Variants in MVB12B observed in about 807,000 individuals in gnomAD.
The protein encoded by MVB12B is multivesicular body subunit 12B.
MVB12B carries 16 observed loss-of-function variants against 41.6 expected under a neutral mutation model. That is an observed-to-expected ratio of 0.38 (90% CI 0.26 to 0.58). MVB12B has a LOEUF of 0.58. Among genes scored for constraint, MVB12B ranks in the 20% least tolerant of loss-of-function variants. The pLI is 0.62. For synonymous variants in MVB12B, 133 were observed against 139.7 expected (o/e 0.95, Z 0.34); for missense variants, 274 against 380.2 (o/e 0.72, Z 2.32).
At chr9:126,331,462 G>T (rs746940397) in intron 1 of MVB12B, among the ~76,000 whole-genome samples, 1 of 152,182 alleles carries the variant, frequency 6.6e-6, no homozygotes, top group Non-Finnish European at 1.5e-5. Context: ...TTAAATTAAG[G>T]AATTTGTTTT....
chr9:126,408,632 T>G (rs773181659), intron 6 of MVB12B, among the ~76,000 whole-genome samples: 26 of 152,034 alleles, frequency 1.7e-4, no homozygotes, highest in Non-Finnish European at 3.4e-4. Flanking sequence ...TTTCGGCTTC[T>G]CGGTGGAGGC....
intron 1 of MVB12B, among the ~76,000 whole-genome samples, chr9:126,339,803 A>G (rs1016559033): frequency 5.9e-5 from 9 of 152,138 alleles, no homozygotes; most frequent in Admixed American, 1.3e-4. Flanking sequence ...ACTGTATACC[A>G]GGGACCTCTC....
At chr9:126,477,489 TCACAGTTC>T (rs1833444860) in intron 7 of MVB12B, among the ~76,000 whole-genome samples, 1 of 152,218 alleles carries the variant, frequency 6.6e-6, no homozygotes, top group Admixed American at 6.5e-5. Flanking sequence ...TTTAATGGAC[TCACAGTTC>T]CACATGGCTG....
At chr9:126,456,970 G>A (rs540049771) in intron 7 of MVB12B, among the ~76,000 whole-genome samples, 40 of 152,304 alleles carry the variant, frequency 2.6e-4, no homozygotes, top group African/African-American at 8.7e-4. Context: ...GTCCTGTGCC[G>A]TCTGCTCATG....
At chr9:126,442,453 T>A (rs1832664211) in intron 7 of MVB12B, among the ~76,000 whole-genome samples, 1 of 152,224 alleles carries the variant, frequency 6.6e-6, no homozygotes, top group Non-Finnish European at 1.5e-5. Context: ...GGGACTAAAG[T>A]CAGTGTATTG....
At chr9:126,363,181 C>T (rs773845272) in intron 2 of MVB12B, among the ~76,000 whole-genome samples, 7 of 150,810 alleles carry the variant, frequency 4.6e-5, no homozygotes, top group Admixed American at 1.3e-4. Flanking sequence ...AGTGAGACTC[C>T]GTCTCAAAAA....
At chr9:126,453,029 C>T (rs1832913296) in intron 7 of MVB12B, among the ~76,000 whole-genome samples, 1 of 151,954 alleles carries the variant, frequency 6.6e-6, no homozygotes, top group African/African-American at 2.4e-5. Context: ...AAGCCCCTCA[C>T]CTTCTTTGAG....
chr9:126,391,984 C>A lies in MVB12B; in HGVS notation c.410-82C>A. Reference sequence around the variant, plus strand: ...GCCACTTCTGCTGCCAGGAATAGGGCGTGACAGGGGATGTGGTTTTCAGAA... The same window carrying A: ...GCCACTTCTGCTGCCAGGAATAGGGAGTGACAGGGGATGTGGTTTTCAGAA... On this transcript the variant is annotated intron_variant, in intron 4 of 9. Transcript: ENST00000361171. This position sits in a 1 kb window ranked among gnomAD's most constrained non-coding sequence, Gnocchi z 4.4. 6.6e-7 allele frequency: 1 copy of A among 1,507,204 alleles called. No individual in the cohort carries two copies. The allele number at this position is 1,507,204 out of a possible 1,614,324, so 93.4% of individuals were successfully genotyped here.
rs549985712 is a variant in MVB12B at position 126,494,741 on chromosome 9, G to A, written c.874-8436G>A. ...CTCATTTTCCACCCAGTAACCAGTG[G>A]TGGCAATCAGTGTGGTTTTAAATCT... is the stretch of plus-strand genomic sequence containing the variant. On this transcript the variant is annotated intron_variant, in intron 9 of 9. Coordinates refer to ENST00000361171, the MANE Select transcript of MVB12B (RefSeq NM_033446.3). Among the ~76,000 whole-genome samples the A allele has an allele frequency of 8.5e-4, 129 of 152,286 alleles. No homozygotes were observed. The Middle Eastern group carries it at 0.02, about 24-fold the overall frequency.
intron 7 of MVB12B, among the ~76,000 whole-genome samples, chr9:126,462,150 G>A (rs1369071491): frequency 6.6e-6 from 1 of 152,230 alleles, no homozygotes; most frequent in East Asian, 1.9e-4. Context: ...ATAGATACAA[G>A]AGTAATTAAT....
chr9:126,454,592 C>T (rs12378542), intron 7 of MVB12B, among the ~76,000 whole-genome samples: 6,227 of 152,332 alleles, frequency 0.041, 162 homozygotes, highest in Middle Eastern at 0.061. Context: ...GATACATTTG[C>T]AGTGGCCAGG....
intron 2 of MVB12B, among the ~76,000 whole-genome samples, chr9:126,360,120 A>G (rs994894522): frequency 2.0e-5 from 3 of 152,176 alleles, no homozygotes; most frequent in African/African-American, 7.2e-5. Context: ...GTTGTGTTGT[A>G]TATAATTTTA....
chr9:126,458,013 C>G (rs1251021730), intron 7 of MVB12B, among the ~76,000 whole-genome samples: 5 of 152,338 alleles, frequency 3.3e-5, no homozygotes, highest in African/African-American at 1.2e-4. Context: ...TAGCCATTCT[C>G]ACCATCTCCT....
intron 6 of MVB12B, among the ~76,000 whole-genome samples, chr9:126,415,944 A>C (rs1165270467): frequency 6.6e-6 from 1 of 152,186 alleles, no homozygotes; most frequent in Non-Finnish European, 1.5e-5. Context: ...GGACAGTGGC[A>C]AGTGCAAAGG....
At chr9:126,463,126 T>A (rs536754193) in intron 7 of MVB12B, among the ~76,000 whole-genome samples, 69 of 152,234 alleles carry the variant, frequency 4.5e-4, no homozygotes, top group Non-Finnish European at 8.4e-4. Flanking sequence ...GTGGGTGTGG[T>A]GTGTGCTGCT....
intron 1 of MVB12B, among the ~76,000 whole-genome samples, chr9:126,337,813 C>G (rs1176581420): frequency 6.6e-6 from 1 of 152,142 alleles, no homozygotes; most frequent in African/African-American, 2.4e-5. Context: ...CAGTAGGCCT[C>G]CGGATTTGAT....
At chr9:126,388,102 C>T (rs1830849682) in intron 4 of MVB12B, among the ~76,000 whole-genome samples, 1 of 152,206 alleles carries the variant, frequency 6.6e-6, no homozygotes, top group South Asian at 2.1e-4. Flanking sequence ...AGTTGGCAAC[C>T]ATTATGGCAC....
chr9:126,449,395 C>A (rs761749669), intron 7 of MVB12B, among the ~76,000 whole-genome samples: 15 of 152,092 alleles, frequency 9.9e-5, no homozygotes, highest in Non-Finnish European at 2.1e-4. Context: ...AGGCCCTTTC[C>A]CTTGCAGGTT....
chr9:126,476,727 A>G (rs1197848817), intron 7 of MVB12B, among the ~76,000 whole-genome samples: 1 of 151,872 alleles, frequency 6.6e-6, no homozygotes, highest in Non-Finnish European at 1.5e-5. Flanking sequence ...ATACAAAAAA[A>G]TTAGCCGGGC....
Sources: allele counts gnomAD v4.1 joint callset (sites outside exome capture counted in the v4.1 genomes callset), GRCh38; gene constraint gnomAD v4.1.1; non-coding constraint Gnocchi (gnomAD v3.1); transcripts MANE v1.5; gene names NCBI Gene and HGNC (gene_info 2026-07-23, HGNC 2026-07-21).